NCOR2: variants seen among roughly 807,000 people sequenced by gnomAD.
NCOR2 encodes the protein nuclear receptor corepressor 2.
Under a neutral mutation model 262.9 loss-of-function variants are expected in NCOR2, and 81 were observed. The observed-to-expected ratio is 0.31, with a 90% CI of 0.26 to 0.37. The LOEUF (loss-of-function observed/expected upper bound fraction) is 0.37. Ranked by LOEUF, NCOR2 falls within the 10% of genes least tolerant of loss-of-function variation. The pLI, the probability that NCOR2 is intolerant of heterozygous loss-of-function variation, is 1.00. For missense variants in NCOR2, 3,385 were observed against 3,621.4 expected (o/e 0.93, Z 1.68); for synonymous variants, 1,659 against 1,559.3 (o/e 1.06, Z -1.51).
At chr12:124,512,688 A>G (rs990923900) in intron 1 of NCOR2, among the ~76,000 whole-genome samples, 1 of 152,164 alleles carries the variant, frequency 6.6e-6, no homozygotes, top group Non-Finnish European at 1.5e-5. Context: ...GCGGAACCCC[A>G]TGAAGCAGAG....
At chr12:124,369,872 CG>C (rs894382376) in intron 20 of NCOR2, among the ~76,000 whole-genome samples, 6 of 152,136 alleles carry the variant, frequency 3.9e-5, no homozygotes, top group African/African-American at 9.7e-5. Context: ...AAGTGCCCTG[CG>C]GGGCCTCAGG....
chr12:124,539,875 C>G (rs2051236541), upstream of NCOR2, among the ~76,000 whole-genome samples: 2 of 152,184 alleles, frequency 1.3e-5, no homozygotes, highest in Non-Finnish European at 2.9e-5. The surrounding 1 kb of genome is among the most constrained non-coding windows in gnomAD (Gnocchi z 5.1). Flanking sequence ...AAAGGCCAAC[C>G]TGACTCGTCC....
At chr12:124,500,208 A>G (rs1446518597), upstream of NCOR2, among the ~76,000 whole-genome samples, 3 of 152,118 alleles carry the variant, frequency 2.0e-5, no homozygotes, top group Non-Finnish European at 4.4e-5. Context: ...GCCTCTGCAC[A>G]TCCAAGCCAC....
intron 1 of NCOR2, among the ~76,000 whole-genome samples, chr12:124,493,415 C>A (rs369105983): frequency 2.0e-5 from 3 of 152,198 alleles, no homozygotes; most frequent in Admixed American, 6.5e-5. Flanking sequence ...CTGAGCCAGG[C>A]GCCATCTTAA....
Position 124,426,812 on chromosome 12 carries a change from C to T in NCOR2, c.1150-12G>A, listed in dbSNP as rs376002522. 2.2e-5 allele frequency: 34 copies of T among 1,564,064 alleles called. No homozygotes were observed. The highest frequency in any genetic ancestry group is 1.9e-4 in the Middle Eastern group (1 of 5,294). ...TGCTTCTCCAGGTTCTGCAGGGAAA[C>T]GGAGGGCAGGGTCAGAGGCCCAGGG... On this transcript the variant is annotated splice_polypyrimidine_tract_variant and intron_variant, in intron 10 of 46. Coordinates refer to ENST00000405201, the Ensembl canonical transcript of NCOR2.
intron 16 of NCOR2, chr12:124,388,597 G>A (rs2136130240): frequency 7.9e-7 from 1 of 1,262,004 alleles, no homozygotes; most frequent in Non-Finnish European, 1.0e-6. Flanking sequence ...CTCCCCAGCT[G>A]CCCAGCCTCA....
chr12:124,506,563 T>C (rs1216736155), intron 1 of NCOR2, among the ~76,000 whole-genome samples: 1 of 146,050 alleles, frequency 6.8e-6, no homozygotes, highest in Admixed American at 6.7e-5. Flanking sequence ...GCACTCCAGG[T>C]TCCTGTGGCT....
intron 1 of NCOR2, among the ~76,000 whole-genome samples, chr12:124,493,663 A>C (rs1325132724): frequency 6.6e-6 from 1 of 152,220 alleles, no homozygotes; most frequent in Non-Finnish European, 1.5e-5. Context: ...CATTTGACCC[A>C]TAGTAGGTGC....
intron 3 of NCOR2, among the ~76,000 whole-genome samples, chr12:124,480,796 T>C (rs1336431512): frequency 1.5e-5 from 2 of 129,912 alleles, no homozygotes; most frequent in East Asian, 2.7e-4. Flanking sequence ...CACAGGACCC[T>C]GGACTCCAGG....
chr12:124,449,442 C>A (rs978805341), intron 7 of NCOR2, among the ~76,000 whole-genome samples: 2 of 152,324 alleles, frequency 1.3e-5, no homozygotes, highest in Non-Finnish European at 2.9e-5. Flanking sequence ...TGCTCTGGGG[C>A]CACTCCCCAT....
At chr12:124,382,316 A>C (rs992191254) in intron 17 of NCOR2, among the ~76,000 whole-genome samples, 4 of 152,188 alleles carry the variant, frequency 2.6e-5, no homozygotes, top group African/African-American at 7.2e-5. Flanking sequence ...CACTTCCTGT[A>C]GTGGGTCCCT....
exon 38 of NCOR2, chr12:124,336,989 G>T (rs1414341772): frequency 3.3e-6 from 5 of 1,511,008 alleles, no homozygotes; most frequent in Non-Finnish European, 4.4e-6. Context: ...GCGGGCTGGG[G>T]GCTTGGCGAG....
chr12:124,444,992 A>G (rs755192780), intron 7 of NCOR2, among the ~76,000 whole-genome samples: 1 of 152,080 alleles, frequency 6.6e-6, no homozygotes, highest in Non-Finnish European at 1.5e-5. Context: ...CTGGGTTCTG[A>G]CTGATCCCCC....
chr12:124,417,653 T>C (rs1702339), intron 13 of NCOR2, among the ~76,000 whole-genome samples: 106,608 of 152,158 alleles, frequency 0.7, 41,173 homozygotes, highest in Non-Finnish European at 0.85. Flanking sequence ...TCCTTTGTCA[T>C]AATCCCCACC....
At chr12:124,353,745 C>T (rs1369385154) in intron 27 of NCOR2, among the ~76,000 whole-genome samples, 2 of 152,256 alleles carry the variant, frequency 1.3e-5, no homozygotes, top group Non-Finnish European at 2.9e-5. Flanking sequence ...CCACAGCTGA[C>T]ATGTCACCTT....
Position 124,548,114 on chromosome 12 carries a change from CCTCTCCTCCACTCTAA to C in NCOR2, c.-164-12519_-164-12504del, listed in dbSNP as rs975506232. 3.9e-5 allele frequency among the ~76,000 whole-genome samples: 6 copies of C among 151,990 alleles called. No homozygotes were observed. The highest frequency in any genetic ancestry group is 1.4e-4 in the African/African-American group (6 of 41,384). On this transcript the variant is annotated intron_variant, in intron 1 of 32. Coordinates refer to the NCOR2 transcript ENST00000458234. The surrounding 1 kb of genome is among the most constrained non-coding windows in gnomAD (Gnocchi z 5.1). The stretch of plus-strand genomic sequence containing the variant: ...GCCGGGCAGGTCCCCTCCTATGGGA[CCTCTCCTCCACTCTAA>C]CTCTCCTCCACATCACATCAGGCCT...
chr12:124,384,549 G>T (rs147092048), intron 17 of NCOR2, among the ~76,000 whole-genome samples: 1 of 152,166 alleles, frequency 6.6e-6, no homozygotes, highest in Admixed American at 6.5e-5. Flanking sequence ...ACCAGCGGCC[G>T]CGCGCACACA....
At chr12:124,565,938 G>C (rs529766329) in intron 1 of NCOR2, among the ~76,000 whole-genome samples, 3 of 152,112 alleles carry the variant, frequency 2.0e-5, no homozygotes, top group Non-Finnish European at 2.9e-5. Context: ...GGCCACCCAC[G>C]AGGTACACAG....
At chr12:124,400,425 C>A in intron 15 of NCOR2, 76 bp downstream of exon 17, 1 of 1,556,746 alleles carries the variant, frequency 6.4e-7, no homozygotes, top group Non-Finnish European at 8.7e-7. Context: ...ACTCAAATTG[C>A]ACGAAACTTT....
Sources: allele counts gnomAD v4.1 joint callset (sites outside exome capture counted in the v4.1 genomes callset), GRCh38; gene constraint gnomAD v4.1.1; non-coding constraint Gnocchi (gnomAD v3.1); transcripts MANE v1.5; gene names NCBI Gene and HGNC (gene_info 2026-07-23, HGNC 2026-07-21).